Variants in RFFL observed in about 807,000 individuals in gnomAD.
RFFL encodes the protein ring finger and FYVE like domain containing E3 ubiquitin protein ligase.
A neutral mutation model predicts 40.4 loss-of-function variants in RFFL; 16 were observed. That is an observed-to-expected ratio of 0.40 (90% confidence interval 0.27 to 0.60). RFFL has a LOEUF of 0.60. RFFL is among the 20% of genes least tolerant of loss of function. The pLI is 0.47. For synonymous variants in RFFL, 154 were observed against 167.9 expected (o/e 0.92, Z 0.64); for missense variants, 367 against 451.7 (o/e 0.81, Z 1.70).
At chr17:35,017,057 A>G (rs537047177) in intron 4 of RFFL, among the ~76,000 whole-genome samples, 21 of 151,840 alleles carry the variant, frequency 1.4e-4, no homozygotes, top group Non-Finnish European at 1.5e-5. Context: ...TCCCCTGGAG[A>G]CTTCTGCTTG....
chr17:35,087,972 C>G (rs1302564849), intron 1 of RFFL, among the ~76,000 whole-genome samples: 2 of 152,174 alleles, frequency 1.3e-5, no homozygotes, highest in African/African-American at 4.8e-5. Flanking sequence ...GTACCTTGTC[C>G]CCTGCCTACT....
At chr17:35,047,405 T>A (rs1230607674) in intron 1 of RFFL, among the ~76,000 whole-genome samples, 3 of 152,168 alleles carry the variant, frequency 2.0e-5, no homozygotes, top group Non-Finnish European at 4.4e-5. Flanking sequence ...ACCTGCTACA[T>A]TGAAAAGATA....
intron 1 of RFFL, among the ~76,000 whole-genome samples, chr17:35,034,814 C>A (rs1477865496): frequency 6.6e-6 from 1 of 152,086 alleles, no homozygotes; most frequent in Non-Finnish European, 1.5e-5. Flanking sequence ...GTGGGAGCTG[C>A]CACGCCCAGC....
In RFFL at chr17:35,030,710, C is replaced by T. The variant is rs187409137; in HGVS notation, c.-8-4149G>A. On this transcript the variant is annotated intron_variant, in intron 1 of 6. Coordinates refer to ENST00000394597, the MANE Select transcript of RFFL (RefSeq NM_001017368.2). ...TTGGCCTCCCAAAGTGCTGGCATTA[C>T]AGTTGTGAGCCACCATGCCCAGCCA... Among the ~76,000 whole-genome samples the T allele has an allele frequency of 5.3e-5, 8 of 152,136 alleles. No individual in the cohort carries two copies. The East Asian group carries it at 1.4e-3, about 26-fold the overall frequency.
At chr17:35,073,236 C>T (rs1392613121) in intron 1 of RFFL, among the ~76,000 whole-genome samples, 2 of 152,230 alleles carry the variant, frequency 1.3e-5, no homozygotes, top group South Asian at 2.1e-4. Context: ...TACCTGTGCC[C>T]TATCCATCAC....
At chr17:35,024,004 T>C (rs1449356726) in intron 2 of RFFL, among the ~76,000 whole-genome samples, 1 of 152,176 alleles carries the variant, frequency 6.6e-6, no homozygotes, top group South Asian at 2.1e-4. Context: ...GACACACTTA[T>C]GTATAAATTC....
At chr17:35,080,410 A>G (rs2091398118) in intron 1 of RFFL, among the ~76,000 whole-genome samples, 1 of 152,156 alleles carries the variant, frequency 6.6e-6, no homozygotes, top group East Asian at 1.9e-4. Flanking sequence ...TTTTTTGTAT[A>G]TTTTAGGATA....
At chr17:35,085,999 G>A (rs1014760748) in intron 1 of RFFL, among the ~76,000 whole-genome samples, 4 of 152,208 alleles carry the variant, frequency 2.6e-5, no homozygotes, top group African/African-American at 9.6e-5. Flanking sequence ...AGGGAGGGCA[G>A]AGGTCTTTAA....
In RFFL at chr17:35,011,685, A is replaced by G. The variant is rs2090939352; in HGVS notation, c.*283T>C. ...GAGGAAGACAGGACCCAAGTTCTGGAAAGTTCTCTGTTCATCAGTTACCAT... is the reference window on the plus strand; with the variant it reads ...GAGGAAGACAGGACCCAAGTTCTGGGAAGTTCTCTGTTCATCAGTTACCAT... On this transcript the variant is annotated 3_prime_UTR_variant, in exon 7 of 7. Coordinates refer to ENST00000394597, the MANE Select transcript of RFFL (RefSeq NM_001017368.2). 2.8e-6 allele frequency: 1 copy of G among 360,842 alleles called. No individual in the cohort carries two copies. Among genetic ancestry groups the G allele is most frequent in the Non-Finnish European group, 5.1e-6 (1 of 194,762 alleles). The allele number at this position is 360,842 out of a possible 1,614,324, so 22.4% of individuals were successfully genotyped here.
chr17:35,026,651 A>G (rs1379026955), intron 1 of RFFL, 90 bp from the exon 2 acceptor site: 2 of 992,498 alleles, frequency 2.0e-6, no homozygotes, highest in African/African-American at 3.3e-5. Context: ...GAGCAGTGAC[A>G]CTCAATGCAC....
At position 35,009,835 on chromosome 17, in the gene RFFL, T is replaced by G. The variant is rs1486267674; in HGVS notation, c.*2133A>C. 1.3e-5 allele frequency: 2 copies of G among 152,688 alleles called. No individual in the cohort carries two copies. Among genetic ancestry groups the G allele is most frequent in the Non-Finnish European group, 2.9e-5 (2 of 68,056 alleles). The allele number at this position is 152,688 out of a possible 1,614,324, so 9.5% of individuals were successfully genotyped here. A position where few individuals can be genotyped will look rare whatever the true frequency, so the allele number is the denominator to read the frequency against. ...CCAGCTTCTGCCCTTAAGTTACTGC[T>G]AGATCTTAGCTGAATTGCACATACA... On this transcript the variant is annotated 3_prime_UTR_variant, in exon 7 of 7. Transcript: ENST00000394597.
intron 1 of RFFL, among the ~76,000 whole-genome samples, chr17:35,069,087 C>T (rs879668613): frequency 3.3e-5 from 5 of 152,164 alleles, no homozygotes; most frequent in Admixed American, 2.0e-4. Flanking sequence ...AGTAACCATA[C>T]TCTCAGAAAA....
chr17:35,069,441 G>T, intron 1 of RFFL: 2 of 411,996 alleles, frequency 4.9e-6, no homozygotes, highest in Non-Finnish European at 9.7e-6. Flanking sequence ...AAAAGGATAC[G>T]ACTGCACAGC....
In RFFL at chr17:35,016,580, A is replaced by C; in HGVS notation, c.676T>G (p.Ser226Ala). 6.2e-7 allele frequency: 1 copy of C among 1,612,886 alleles called. No homozygotes were observed. Residue 226 changes from serine (S) to alanine (A), a missense_variant and splice_region_variant, in exon 5 of 7, where the codon TCT (serine) becomes GCT (alanine). Coordinates refer to ENST00000394597, the MANE Select transcript of RFFL (RefSeq NM_001017368.2). ...ACAAAGCTGTCCTCTGAGTCAATAG[A>C]CTGCAATGACAAAGATGAGATCAGT... ...ARVPAEDETQ[S>A]IDSEDSFVPG...
At chr17:35,060,989 T>C (rs1388029945) in intron 1 of RFFL, among the ~76,000 whole-genome samples, 1 of 152,014 alleles carries the variant, frequency 6.6e-6, no homozygotes, top group Non-Finnish European at 1.5e-5. Flanking sequence ...GGAGAGTCCA[T>C]TGGGAAAAGG....
chr17:35,029,271 A>G lies in RFFL; in HGVS notation c.-8-2710T>C, dbSNP rs370896668. On this transcript the variant is annotated intron_variant, in intron 1 of 6. Coordinates refer to ENST00000394597, the MANE Select transcript of RFFL (RefSeq NM_001017368.2). ...TCACAGAGTGTGTGTATGATAAAGT[A>G]AATGAGTTCTTTGCTGCCAAGAGAA... Among the ~76,000 whole-genome samples, 60 of 152,010 alleles carry G rather than the reference A, an allele frequency of 3.9e-4. No homozygotes were observed. In the South Asian group the frequency reaches 8.3e-3, roughly 21 times the overall value.
intron 1 of RFFL, among the ~76,000 whole-genome samples, chr17:35,081,425 T>C (rs770691590): frequency 3.9e-5 from 6 of 152,228 alleles, no homozygotes; most frequent in Middle Eastern, 3.2e-3. Flanking sequence ...CTAAAAAGAA[T>C]AGAACGATTT....
At chr17:35,034,111 C>T (rs1268732573) in intron 1 of RFFL, among the ~76,000 whole-genome samples, 2 of 150,358 alleles carry the variant, frequency 1.3e-5, no homozygotes, top group East Asian at 1.9e-4. Flanking sequence ...CCACTGTACT[C>T]CAGTCTGGGT....
At chr17:35,029,335 T>C (rs1467405161) in intron 1 of RFFL, among the ~76,000 whole-genome samples, 1 of 150,700 alleles carries the variant, frequency 6.6e-6, no homozygotes, top group Non-Finnish European at 1.5e-5. Context: ...CTGAAATATT[T>C]TGTAGTTTTT....
Sources: allele counts gnomAD v4.1 joint callset (sites outside exome capture counted in the v4.1 genomes callset), GRCh38; gene constraint gnomAD v4.1.1; transcripts MANE v1.5; gene names NCBI Gene and HGNC (gene_info 2026-07-23, HGNC 2026-07-21).